Variants in VWA8 observed in about 807,000 individuals in gnomAD.
VWA8 encodes von Willebrand factor A domain containing 8.
In VWA8, 221 loss-of-function variants were observed where a neutral mutation model predicts 241.5. The ratio of observed to expected loss-of-function variants is 0.91; its 90% CI spans 0.82 to 1.02. The LOEUF is 1.02. Ranked by LOEUF, VWA8 falls within the 50% of genes least tolerant of loss-of-function variation. The pLI, the probability that VWA8 is intolerant of heterozygous loss-of-function variation, is 0.00. For synonymous variants in VWA8, 852 were observed against 827.1 expected (o/e 1.03, Z -0.52); for missense variants, 2,322 against 2,328.7 (o/e 1.00, Z 0.06).
At chr13:41,639,743 A>G (rs9590622) in intron 37 of VWA8, among the ~76,000 whole-genome samples, 5,034 of 152,258 alleles carry the variant, frequency 0.033, 282 homozygotes, top group African/African-American at 0.11. Context: ...AAAGAAGGGA[A>G]CGATAGACGA....
At chr13:41,696,565 C>T (rs1391310348) in intron 29 of VWA8, among the ~76,000 whole-genome samples, 1 of 152,172 alleles carries the variant, frequency 6.6e-6, no homozygotes, top group East Asian at 1.9e-4. Flanking sequence ...CTATGAATCT[C>T]AGTTCTGCTA....
chr13:41,659,601 T>C (rs2044934880), intron 37 of VWA8, among the ~76,000 whole-genome samples: 1 of 152,230 alleles, frequency 6.6e-6, no homozygotes, highest in South Asian at 2.1e-4. Flanking sequence ...CTTTCTTGTT[T>C]ATCTACTCCC....
intron 37 of VWA8, among the ~76,000 whole-genome samples, chr13:41,619,129 TTG>T (rs1411815049): frequency 1.3e-5 from 2 of 152,232 alleles, no homozygotes; most frequent in African/African-American, 4.8e-5. Context: ...TTCCATTTGT[TTG>T]TGTCCTATTT....
At chr13:41,760,842 A>G (rs1342929274) in intron 21 of VWA8, among the ~76,000 whole-genome samples, 1 of 151,904 alleles carries the variant, frequency 6.6e-6, no homozygotes, top group South Asian at 2.1e-4. Flanking sequence ...TTTTTCTTCT[A>G]ACTTAAGAGC....
chr13:41,691,308 A>G lies in VWA8; in HGVS notation c.3866+12T>C. On this transcript the variant is annotated intron_variant, in intron 32 of 44. Coordinates refer to ENST00000379310, the MANE Select transcript of VWA8 (RefSeq NM_015058.2). ...CAACATACTCCATGATACACTATAT[A>G]AAGCCACTCACTGATTTGTTTTGCT... The G allele has an allele frequency of 2.5e-6, 4 of 1,611,336 alleles. No individual in the cohort carries two copies. Among genetic ancestry groups the G allele is most frequent in the Non-Finnish European group, 3.4e-6 (4 of 1,178,146 alleles).
Position 41,960,949 on chromosome 13 carries a change from G to T in VWA8, c.67C>A (p.Arg23=). 1.4e-6 allele frequency: 2 copies of T among 1,469,964 alleles called. No homozygotes were observed. The highest frequency in any genetic ancestry group is 8.9e-7 in the Non-Finnish European group (1 of 1,118,772). 91.1% of individuals were successfully genotyped at this position (1,469,964 alleles called of 1,614,324 possible). The change falls in exon 1 of 45, where the codon CGG becomes AGG. Residue 23 remains arginine, a synonymous_variant. Coordinates refer to ENST00000379310, the MANE Select transcript of VWA8 (RefSeq NM_015058.2). ...TGCACCACCTGCCGCAGGAGCAGCC[G>T]CATGCGCCGCGAGGCCGGGCCGCCG... ...GHGGPASRRM[R]LLLRQVVQRR... is the part of the protein sequence containing the mutation.
chr13:41,887,811 T>A (rs983233995), intron 5 of VWA8, among the ~76,000 whole-genome samples: 1 of 152,254 alleles, frequency 6.6e-6, no homozygotes, highest in Non-Finnish European at 1.5e-5. Flanking sequence ...ATAACTAACA[T>A]GTTTTGGAAA....
intron 37 of VWA8, among the ~76,000 whole-genome samples, chr13:41,621,422 A>G (rs1440539770): frequency 6.6e-6 from 1 of 152,218 alleles, no homozygotes; most frequent in Admixed American, 6.5e-5. Flanking sequence ...TAGTTTGCTT[A>G]TATGCGTTAA....
chr13:41,819,259 G>A lies in VWA8; in HGVS notation c.1828C>T (p.Pro610Ser). The A allele has an allele frequency of 6.2e-7, 1 of 1,611,942 alleles. No homozygotes were observed. The highest frequency in any genetic ancestry group is 8.5e-7 in the Non-Finnish European group (1 of 1,179,540). Residue 610 changes from proline (P) to serine (S), a missense_variant, in exon 15 of 45, where the codon CCA (proline) becomes TCA (serine). Physicochemically the swap from Pro to Ser is moderately conservative, Grantham distance 74 (BLOSUM62 -1). Coordinates refer to ENST00000379310, the MANE Select transcript of VWA8 (RefSeq NM_015058.2). ...TGGATTTCTTCACTTTTCACAAGTG[G>A]TTTCATGTAATGGAAAAAGAACATG... ...LTMFFFHYMK[P>S]LVKSEEIQVI...
intron 40 of VWA8, among the ~76,000 whole-genome samples, chr13:41,592,479 T>A (rs547156489): frequency 0.039 from 2,651 of 67,734 alleles, 56 homozygotes; most frequent in African/African-American, 0.078. Flanking sequence ...ATAAAAAAAA[T>A]AAAATAAAAT....
intron 37 of VWA8, among the ~76,000 whole-genome samples, chr13:41,631,026 T>C (rs2044723109): frequency 6.6e-6 from 1 of 151,872 alleles, no homozygotes; most frequent in Admixed American, 6.6e-5. Flanking sequence ...GCCATCTTCT[T>C]CTTTATTTTT....
At chr13:41,621,932 C>G (rs2139667851) in intron 37 of VWA8, among the ~76,000 whole-genome samples, 1 of 152,266 alleles carries the variant, frequency 6.6e-6, no homozygotes, top group Non-Finnish European at 1.5e-5. Flanking sequence ...CAACACAAGG[C>G]AGTTTCACAC....
intron 9 of VWA8, 91 bp downstream of exon 9, chr13:41,883,295 GA>G: frequency 1.1e-6 from 1 of 952,044 alleles, no homozygotes; most frequent in Non-Finnish European, 1.6e-6. Context: ...AGAAAAATAG[GA>G]AAGGTGGGGA....
intron 37 of VWA8, among the ~76,000 whole-genome samples, chr13:41,669,719 C>G (rs1299040631): frequency 6.6e-6 from 1 of 152,052 alleles, no homozygotes; most frequent in Non-Finnish European, 1.5e-5. Context: ...CTATTAGGCA[C>G]CAATGACTGT....
At chr13:41,736,914 G>T (rs1435974519) in intron 21 of VWA8, among the ~76,000 whole-genome samples, 1 of 148,316 alleles carries the variant, frequency 6.7e-6, no homozygotes, top group Non-Finnish European at 1.5e-5. Context: ...CATGATCTTG[G>T]CTCGCTGCAA....
rs545763459 is a variant in VWA8, at chr13:41,766,222, G to T, written c.2350-5018C>A. Among the ~76,000 whole-genome samples the T allele has an allele frequency of 2.6e-5, 4 of 152,254 alleles. No individual in the cohort carries two copies. The East Asian group carries it at 5.8e-4, about 22-fold the overall frequency. On this transcript the variant is annotated intron_variant, in intron 20 of 44. Transcript: ENST00000379310. ...TTACCCTGTTTCCTCAGAGAGATTAGCAGTAAAATTCTTTACAGCAAAAGG... is the reference window on the plus strand; with the variant it reads ...TTACCCTGTTTCCTCAGAGAGATTATCAGTAAAATTCTTTACAGCAAAAGG...
intron 20 of VWA8, among the ~76,000 whole-genome samples, chr13:41,764,252 T>A (rs891708184): frequency 6.6e-6 from 1 of 152,312 alleles, no homozygotes; most frequent in South Asian, 2.1e-4. Flanking sequence ...AGTCCCTACC[T>A]GCAAAACTTT....
At chr13:41,842,966 C>A (rs1244598952) in intron 12 of VWA8, among the ~76,000 whole-genome samples, 1 of 152,194 alleles carries the variant, frequency 6.6e-6, no homozygotes, top group Non-Finnish European at 1.5e-5. Context: ...TACTACCATT[C>A]CTTACTGGGT....
chr13:41,663,100 C>T (rs2044963001), intron 37 of VWA8, among the ~76,000 whole-genome samples: 1 of 152,022 alleles, frequency 6.6e-6, no homozygotes, highest in Non-Finnish European at 1.5e-5. Flanking sequence ...GCATTCTGTC[C>T]AGGTTTTATA....
Sources: allele counts gnomAD v4.1 joint callset (sites outside exome capture counted in the v4.1 genomes callset), GRCh38; gene constraint gnomAD v4.1.1; transcripts MANE v1.5; gene names NCBI Gene and HGNC (gene_info 2026-07-23, HGNC 2026-07-21).